The following ZNF446 variants were observed in gnomAD, a reference collection of about 807,000 sequenced individuals.
The protein encoded by ZNF446 is zinc finger protein with KRAB and SCAN domains 20.
A neutral mutation model predicts 34.0 loss-of-function variants in ZNF446; 42 were observed. That is an observed-to-expected ratio of 1.23 (90% CI 0.96 to 1.60). ZNF446 has a LOEUF of 1.60. Ranked by LOEUF, ZNF446 falls within the 40% of genes most tolerant of loss-of-function variation. ZNF446 has a pLI of 0.00. For synonymous variants in ZNF446, 315 were observed against 251.0 expected (o/e 1.25, Z -2.41); for missense variants, 650 against 600.2 (o/e 1.08, Z -0.87).
At chr19:58,485,865 C>CA (rs1168081221), downstream of ZNF446, among the ~76,000 whole-genome samples, 1 of 152,068 alleles carries the variant, frequency 6.6e-6, no homozygotes, top group Non-Finnish European at 1.5e-5. Flanking sequence ...CAGGCTGAGC[C>CA]ACCACACCCA....
chr19:58,487,637 C>T, the ZNF446 span, among the ~76,000 whole-genome samples: 5 of 151,340 alleles, frequency 3.3e-5, no homozygotes, highest in African/African-American at 1.2e-4. Context: ...GGTAAAACCC[C>T]GTCTCTACTA....
the ZNF446 span, among the ~76,000 whole-genome samples, chr19:58,488,542 A>G: frequency 2.1e-5 from 3 of 143,006 alleles, no homozygotes; most frequent in South Asian, 6.6e-4. Flanking sequence ...AGGCATAAAC[A>G]TGACTATGAT....
At chr19:58,481,777 GGTTTTGTTTTGTTTT>G (rs113757723), downstream of ZNF446, among the ~76,000 whole-genome samples, 211 of 151,906 alleles carry the variant, frequency 1.4e-3, no homozygotes, top group African/African-American at 4.7e-3. Context: ...CTAAAATCAA[GGTTTTGTTTTGTTTT>G]GTTTTGTTTT....
Position 58,480,798 on chromosome 19 carries a change from A to G in ZNF446, c.*72A>G. 1 of 1,526,082 alleles carries G rather than the reference A, an allele frequency of 6.6e-7. No individual in the cohort carries two copies. Among genetic ancestry groups the G allele is most frequent in the Middle Eastern group, 1.8e-4 (1 of 5,656 alleles). 94.5% of individuals were successfully genotyped at this position (1,526,082 alleles called of 1,614,324 possible). A position where few individuals can be genotyped will look rare whatever the true frequency, so the allele number is the denominator to read the frequency against. On this transcript the variant is annotated 3_prime_UTR_variant, in exon 7 of 7. Coordinates refer to ENST00000594369, the MANE Select transcript of ZNF446 (RefSeq NM_017908.4). The surrounding 1 kb of genome is among the most constrained non-coding windows in gnomAD (Gnocchi z 7.2). ...TGGATACAGCCTCTGGGGCACCAGC[A>G]GAAGACTCTGGAGGCAGCAGGGGAT...
rs749025036 is a variant in ZNF446 at position 58,477,405 on chromosome 19, GAGC to G, written c.190_192del (p.Gln64del). On this transcript the variant is annotated inframe_deletion, in exon 2 of 7. Transcript: ENST00000594369. ...GCTGCAGCCTGAGGCACACTCCAAGGAGCAGATGCTGGAGATGCTGGTGCTGGA... is the reference window on the plus strand; with the variant it reads ...GCTGCAGCCTGAGGCACACTCCAAGGAGATGCTGGAGATGCTGGTGCTGGA... 6 of 1,613,356 alleles carry G rather than the reference GAGC, an allele frequency of 3.7e-6. No individual in the cohort carries two copies. The African/African-American group carries it at 6.7e-5, about 18-fold the overall frequency.
downstream of ZNF446, among the ~76,000 whole-genome samples, chr19:58,482,086 G>A (rs188757891): frequency 2.6e-5 from 4 of 152,244 alleles, no homozygotes; most frequent in Admixed American, 6.5e-5. Flanking sequence ...GAGCCACCGC[G>A]CCCGGCCAAA....
At chr19:58,483,170 A>C (rs2053151421), downstream of ZNF446, among the ~76,000 whole-genome samples, 3 of 141,630 alleles carry the variant, frequency 2.1e-5, no homozygotes, top group Non-Finnish European at 4.6e-5. Context: ...ACATAGTGAG[A>C]CCTTGTCTCC....
Position 58,477,686 on chromosome 19 carries a change from C to T in ZNF446, c.392C>T (p.Thr131Ile), listed in dbSNP as rs755939389. Residue 131 changes from threonine (T) to isoleucine (I), a missense_variant, in exon 3 of 7, where the codon ACA (threonine) becomes ATA (isoleucine). Coordinates refer to ENST00000594369, the MANE Select transcript of ZNF446 (RefSeq NM_017908.4). The stretch of plus-strand genomic sequence containing the variant: ...GAGGTGCTCCCTGCAGCCCAGAAGA[C>T]AGAGGAACCACTTGGGAGCCCCCAC... ...KQEVLPAAQK[T>I]EEPLGSPHPS... 7 of 1,613,886 alleles carry T rather than the reference C, an allele frequency of 4.3e-6. No homozygotes were observed. The highest frequency in any genetic ancestry group is 2.2e-5 in the East Asian group (1 of 44,890).
chr19:58,476,869 ACTGT>A (rs918116757), intron 1 of ZNF446, among the ~76,000 whole-genome samples: 8 of 152,108 alleles, frequency 5.3e-5, no homozygotes, highest in South Asian at 2.1e-4. Context: ...CTCTGTGATG[ACTGT>A]CTTTCTCCAC....
At position 58,477,159 on chromosome 19, in the gene ZNF446, C is replaced by T. The variant is rs971989618; in HGVS notation, c.-40-20C>T. 10 of 1,434,428 alleles carry T rather than the reference C, an allele frequency of 7.0e-6. No individual in the cohort carries two copies. Among genetic ancestry groups the T allele is most frequent in the Middle Eastern group, 2.6e-4 (1 of 3,916 alleles). The allele number at this position is 1,434,428 out of a possible 1,614,324, so 88.9% of individuals were successfully genotyped here. A position where few individuals can be genotyped will look rare whatever the true frequency, so the allele number is the denominator to read the frequency against. ...GGCCAGATTCTCTTGGCTGACATTC[C>T]GACCCTTCCTTTTCTGTAGGCCCAT... is the stretch of plus-strand genomic sequence containing the variant. On this transcript the variant is annotated intron_variant, in intron 1 of 6. Transcript: ENST00000594369.
chr19:58,479,698 TG>T lies in ZNF446; in HGVS notation c.685del (p.Glu229ArgfsTer137), dbSNP rs1226078455. On this transcript the variant is annotated frameshift_variant, in exon 5 of 7. Coordinates refer to ENST00000594369, the MANE Select transcript of ZNF446 (RefSeq NM_017908.4). LOFTEE classifies it high-confidence loss of function. ...AAGGAACTGTACTGGGATGCGATGC[TG>T]GAGAAGTACGGCACAGTGGTCTCCC... Reference protein sequence around the residue: ...SQKELYWDAMLEKYGTVVSLG... With the variant: ...SQKELYWDAMXEKYGTVVSLG... 1 of 1,613,544 alleles carries T rather than the reference TG, an allele frequency of 6.2e-7. No homozygotes were observed. The highest frequency in any genetic ancestry group is 8.5e-7 in the Non-Finnish European group (1 of 1,179,910).
At chr19:58,487,075 G>C in the ZNF446 span, among the ~76,000 whole-genome samples, 1 of 152,078 alleles carries the variant, frequency 6.6e-6, no homozygotes. Context: ...ACAGGCGTGA[G>C]CCACTGCGCC....
At position 58,480,365 on chromosome 19, in the gene ZNF446, C is replaced by G. The variant is rs752452219; in HGVS notation, c.992C>G (p.Pro331Arg). The change falls in exon 7 of 7, where the codon CCC (proline) becomes CGC (arginine). Residue 331 changes from proline to arginine, a missense_variant. By Grantham distance (103) the Pro-to-Arg change is moderately radical. Transcript: ENST00000594369. This position sits in a 1 kb window ranked among gnomAD's most constrained non-coding sequence, Gnocchi z 7.2. ...GAGCCGGCTGCCACCCCCAGGAAGC[C>G]CTACACGTGCGAGCAGTGTGGCCGC... ...RLEPAATPRK[P>R]YTCEQCGRGF... 1 of 1,606,960 alleles carries G rather than the reference C, an allele frequency of 6.2e-7. No homozygotes were observed. Among genetic ancestry groups the G allele is most frequent in the South Asian group, 1.1e-5 (1 of 90,058 alleles).
chr19:58,483,971 C>T (rs1437228461), downstream of ZNF446: 2 of 152,160 alleles, frequency 1.3e-5, no homozygotes, highest in Non-Finnish European at 2.9e-5. Flanking sequence ...GATTAATTCT[C>T]TTGAGTAAAC....
At chr19:58,477,920 C>T in intron 3 of ZNF446, 94 bp downstream of exon 3, 1 of 1,369,716 alleles carries the variant, frequency 7.3e-7, no homozygotes, top group Non-Finnish European at 9.8e-7. Flanking sequence ...TGTGTCAAGG[C>T]TGGGACTCCT....
intron 2 of ZNF446, 34 bp downstream of exon 2, chr19:58,477,594 T>C (rs1170389625): frequency 6.2e-7 from 1 of 1,613,168 alleles, no homozygotes; most frequent in Non-Finnish European, 8.5e-7. Context: ...CTTGGAGGGA[T>C]AGACCCTGGC....
rs766365284 is a variant in ZNF446, at chr19:58,480,345, G to A, written c.972G>A (p.Pro324=). 1.3e-5 allele frequency: 21 copies of A among 1,597,968 alleles called. No homozygotes were observed. Among genetic ancestry groups the A allele is most frequent in the Middle Eastern group, 1.6e-4 (1 of 6,066 alleles). The change falls in exon 7 of 7, where the codon CCG becomes CCA. Residue 324 remains proline, a synonymous_variant. Coordinates refer to ENST00000594369, the MANE Select transcript of ZNF446 (RefSeq NM_017908.4). This position sits in a 1 kb window ranked among gnomAD's most constrained non-coding sequence, Gnocchi z 7.2. ...QPTPAETRLE[P]AATPRKPYTC... is the part of the protein sequence containing the mutation. Reference sequence around the variant, plus strand: ...CACCTGCAGAGACGAGACTGGAGCCGGCTGCCACCCCCAGGAAGCCCTACA... The same window carrying A: ...CACCTGCAGAGACGAGACTGGAGCCAGCTGCCACCCCCAGGAAGCCCTACA...
the ZNF446 span, among the ~76,000 whole-genome samples, chr19:58,487,132 C>G: frequency 6.6e-6 from 1 of 152,188 alleles, no homozygotes. Context: ...GTATACAGAC[C>G]CCTAAAACCC....
chr19:58,480,286 C>T lies in ZNF446; in HGVS notation c.913C>T (p.Arg305Cys), dbSNP rs765035220. 5.2e-5 allele frequency: 82 copies of T among 1,576,780 alleles called. No homozygotes were observed. Among genetic ancestry groups the T allele is most frequent in the Admixed American group, 9.2e-5 (5 of 54,206 alleles). ...SGAATPAPTV[R>C]PGTPPVPTQP... ...GGCTGCCACTCCTGCCCCCACTGTGCGCCCAGGGACACCGCCAGTGCCCAC... is the reference window on the plus strand; with the variant it reads ...GGCTGCCACTCCTGCCCCCACTGTGTGCCCAGGGACACCGCCAGTGCCCAC... The change falls in exon 7 of 7, where the codon CGC becomes TGC. Residue 305 changes from arginine to cysteine, a missense_variant. Coordinates refer to ENST00000594369, the MANE Select transcript of ZNF446 (RefSeq NM_017908.4). This position sits in a 1 kb window ranked among gnomAD's most constrained non-coding sequence, Gnocchi z 7.2.
Sources: allele counts gnomAD v4.1 joint callset (sites outside exome capture counted in the v4.1 genomes callset), GRCh38; gene constraint gnomAD v4.1.1; non-coding constraint Gnocchi (gnomAD v3.1); transcripts MANE v1.5; gene names NCBI Gene and HGNC (gene_info 2026-07-23, HGNC 2026-07-21).